Variants in ZNF639 observed in about 807,000 individuals in gnomAD.
ZNF639 encodes the protein zinc finger protein 639.
In ZNF639, 20 loss-of-function variants were observed where a neutral mutation model predicts 39.8. The observed-to-expected ratio is 0.50, with a 90% CI of 0.35 to 0.73. The LOEUF (loss-of-function observed/expected upper bound fraction) is 0.73, where lower values mean the gene tolerates loss of function less well. Among genes scored for constraint, ZNF639 ranks in the 30% least tolerant of loss-of-function variants. The pLI is 0.00. For missense variants in ZNF639, 477 were observed against 566.2 expected, an observed-to-expected ratio of 0.84 and a Z score of 1.60; for synonymous variants, 176 against 189.8, an observed-to-expected ratio of 0.93 and a Z score of 0.60.
chr3:179,333,540 A>G lies in ZNF639; in HGVS notation c.576A>G (p.Lys192=). 1 of 1,614,176 alleles carries G rather than the reference A, an allele frequency of 6.2e-7. No homozygotes were observed. The highest frequency in any genetic ancestry group is 2.2e-5 in the East Asian group (1 of 44,888). Residue 192 remains lysine (K), a synonymous_variant, in exon 6 of 6, where the codon AAA becomes AAG. Coordinates refer to ENST00000496856, the MANE Select transcript of ZNF639 (RefSeq NM_001303426.2). Reference sequence around the variant, plus strand: ...CTTTGAATGTGACTGCCCAGCAGAAATGGCCTTTACTGAGAGCTAATAGCA... The same window carrying G: ...CTTTGAATGTGACTGCCCAGCAGAAGTGGCCTTTACTGAGAGCTAATAGCA... ...SQALNVTAQQ[K]WPLLRANSSG... is the part of the protein sequence containing the mutation.
chr3:179,329,827 A>G, intron 4 of ZNF639, 99 bp downstream of exon 4: 1 of 566,494 alleles, frequency 1.8e-6, no homozygotes, highest in East Asian at 3.1e-5. Context: ...GATGATTTCA[A>G]AACAGACAAG....
At chr3:179,326,926 AC>A (rs1325540577) in intron 1 of ZNF639, among the ~76,000 whole-genome samples, 1 of 151,998 alleles carries the variant, frequency 6.6e-6, no homozygotes, top group Non-Finnish European at 1.5e-5. Flanking sequence ...AAGGTGACTC[AC>A]GCCTGTAATC....
intron 3 of ZNF639, 105 bp downstream of exon 3, chr3:179,328,456 C>A: frequency 2.8e-6 from 2 of 716,102 alleles, no homozygotes; most frequent in Non-Finnish European, 2.3e-6. Flanking sequence ...ATATCTGGGT[C>A]AATATTTAGG....
chr3:179,331,955 G>A (rs11916825), intron 4 of ZNF639, among the ~76,000 whole-genome samples: 5,746 of 151,902 alleles, frequency 0.038, 341 homozygotes, highest in African/African-American at 0.13. Context: ...TAATTCCAGC[G>A]TAATCATTTT....
intron 4 of ZNF639, among the ~76,000 whole-genome samples, chr3:179,330,671 G>A (rs780743372): frequency 1.3e-5 from 2 of 152,218 alleles, no homozygotes; most frequent in African/African-American, 2.4e-5. Context: ...GTTAAGAATA[G>A]TGTTAGACAC....
In ZNF639 at chr3:179,333,478, C is replaced by T. The variant is rs1728037985; in HGVS notation, c.514C>T (p.Pro172Ser). ...CCAAGACCAAACTGATGAAGAACCGCCAGCTAAACTTTGTAAAATTCTTGA... is the reference window on the plus strand; with the variant it reads ...CCAAGACCAAACTGATGAAGAACCGTCAGCTAAACTTTGTAAAATTCTTGA... ...SLQDQTDEEPPAKLCKILDKS... is the reference protein window; with the variant it reads ...SLQDQTDEEPSAKLCKILDKS... Residue 172 changes from proline (P) to serine (S), a missense_variant, in exon 6 of 6, where the codon CCA becomes TCA. Transcript: ENST00000496856. 2 of 1,613,976 alleles carry T rather than the reference C, an allele frequency of 1.2e-6. No homozygotes were observed. The highest frequency in any genetic ancestry group is 1.7e-6 in the Non-Finnish European group (2 of 1,180,016).
chr3:179,332,271 T>C (rs959263603), intron 4 of ZNF639, among the ~76,000 whole-genome samples: 4 of 152,228 alleles, frequency 2.6e-5, no homozygotes, highest in African/African-American at 4.8e-5. Flanking sequence ...CATACTATCC[T>C]CTCAGATTTT....
chr3:179,328,152 T>C (rs1727701263), intron 2 of ZNF639, 131 bp from the exon 3 acceptor site: 3 of 540,468 alleles, frequency 5.6e-6, no homozygotes, highest in Admixed American at 7.5e-5. Context: ...ATTTAACACT[T>C]TTCTTATACC....
At chr3:179,324,434 G>A (rs1347237977) in intron 1 of ZNF639, among the ~76,000 whole-genome samples, 1 of 152,142 alleles carries the variant, frequency 6.6e-6, no homozygotes, top group Non-Finnish European at 1.5e-5. Flanking sequence ...ACTGTGATAG[G>A]TTGCTTGTGA....
intron 1 of ZNF639, among the ~76,000 whole-genome samples, chr3:179,324,122 AAG>A (rs1727444536): frequency 6.6e-6 from 1 of 152,220 alleles, no homozygotes; most frequent in Admixed American, 6.5e-5. Flanking sequence ...GAGAACGAAA[AAG>A]AAAGCTTAAC....
chr3:179,326,133 C>G (rs773771397), intron 1 of ZNF639, among the ~76,000 whole-genome samples: 62 of 152,038 alleles, frequency 4.1e-4, no homozygotes, highest in Non-Finnish European at 6.9e-4. Flanking sequence ...GAGTTCAAGA[C>G]CAGCCTGGCT....
In ZNF639 at chr3:179,333,902, G is replaced by A. The variant is rs1157834777; in HGVS notation, c.938G>A (p.Cys313Tyr). Reference protein sequence around the residue: ...ELYLHFQEHSCDEQYLCQFCE... With the variant: ...ELYLHFQEHSYDEQYLCQFCE... ...TACCTACATTTCCAGGAGCACAGCT[G>A]TGATGAACAGTACTTGTGTCAGTTC... The change falls in exon 6 of 6, where the codon TGT (cysteine) becomes TAT (tyrosine). Residue 313 changes from cysteine (C) to tyrosine (Y), a missense_variant. Cys to Tyr is a radical substitution (Grantham distance 194). Transcript: ENST00000496856. 2 of 1,614,164 alleles carry A rather than the reference G, an allele frequency of 1.2e-6. No homozygotes were observed. The highest frequency in any genetic ancestry group is 1.7e-6 in the Non-Finnish European group (2 of 1,180,018).
intron 3 of ZNF639, 124 bp downstream of exon 3, chr3:179,328,475 C>T (rs540152225): frequency 1.6e-4 from 93 of 583,724 alleles, no homozygotes; most frequent in East Asian, 1.4e-3. Context: ...GGTAAAACAA[C>T]GGTTTAAATA....
At chr3:179,326,790 T>C (rs1727618570) in intron 1 of ZNF639, among the ~76,000 whole-genome samples, 1 of 151,916 alleles carries the variant, frequency 6.6e-6, no homozygotes, top group Non-Finnish European at 1.5e-5. Context: ...CACACCCGGC[T>C]GATTTTTGTA....
intron 1 of ZNF639, among the ~76,000 whole-genome samples, chr3:179,324,292 T>C (rs1352608405): frequency 1.3e-5 from 2 of 152,204 alleles, no homozygotes; most frequent in African/African-American, 4.8e-5. Context: ...ATAGACTTTC[T>C]TGTTGGTTGA....
intron 3 of ZNF639, among the ~76,000 whole-genome samples, chr3:179,328,681 A>T (rs1377756858): frequency 1.3e-5 from 2 of 152,198 alleles, no homozygotes; most frequent in African/African-American, 4.8e-5. Context: ...CAATAATGAC[A>T]ACCTTGGTAG....
At chr3:179,332,955 A>T (rs1225958270) in intron 4 of ZNF639, 34 bp from the exon 5 acceptor site, 3 of 1,515,044 alleles carry the variant, frequency 2.0e-6, no homozygotes, top group Non-Finnish European at 1.8e-6. Flanking sequence ...TGATTGTATA[A>T]ATAATAAGTA....
chr3:179,331,405 A>G (rs1197652496), intron 4 of ZNF639, among the ~76,000 whole-genome samples: 1 of 152,212 alleles, frequency 6.6e-6, no homozygotes, highest in Non-Finnish European at 1.5e-5. Flanking sequence ...TCCCTCTAGG[A>G]GGTGGAATAT....
rs1009942660 is a variant in ZNF639 at position 179,335,125 on chromosome 3, C to T, written c.*703C>T. ...AATATTTTTTTCTTAGAGATGGTCTCGTTCTGTTGTCCAGGATGGAGTGCA... is the reference window on the plus strand; with the variant it reads ...AATATTTTTTTCTTAGAGATGGTCTTGTTCTGTTGTCCAGGATGGAGTGCA... On this transcript the variant is annotated 3_prime_UTR_variant, in exon 6 of 6. Transcript: ENST00000496856. 2.0e-5 allele frequency: 3 copies of T among 152,164 alleles called. No homozygotes were observed. The highest frequency in any genetic ancestry group is 2.9e-5 in the Non-Finnish European group (2 of 68,036). 9.4% of individuals were successfully genotyped at this position (152,164 alleles called of 1,614,324 possible). A position where few individuals can be genotyped will look rare whatever the true frequency, so the allele number is the denominator to read the frequency against.
Sources: gnomAD v4.1 joint callset for allele counts (sites outside exome capture counted in the v4.1 genomes callset) on GRCh38, gnomAD v4.1.1 for gene constraint, MANE v1.5 for transcripts, NCBI Gene and HGNC (gene_info 2026-07-23, HGNC 2026-07-21) for gene names.